Variants in TRHDE observed in about 807,000 individuals in gnomAD.
The protein encoded by TRHDE is thyrotropin releasing hormone degrading enzyme, also known as thyrotropin-releasing hormone-degrading ectoenzyme.
In TRHDE, 72 loss-of-function variants were observed where a neutral mutation model predicts 125.7. The ratio of observed to expected loss-of-function variants is 0.57; its 90% confidence interval spans 0.47 to 0.70. TRHDE has a LOEUF of 0.70. Ranked by LOEUF, TRHDE falls within the 30% of genes least tolerant of loss-of-function variation. The pLI is 0.00. For missense variants in TRHDE, 1,110 were observed against 1,327.1 expected, an observed-to-expected ratio of 0.84 and a Z score of 2.54; for synonymous variants, 509 against 509.1, an observed-to-expected ratio of 1.00 and a Z score of 0.00.
intron 2 of TRHDE, among the ~76,000 whole-genome samples, chr12:72,325,678 A>T (rs1226114991): frequency 6.6e-6 from 1 of 152,126 alleles, no homozygotes; most frequent in Non-Finnish European, 1.5e-5. Context: ...ATGTTTATTA[A>T]GCCATGTTTC....
At chr12:72,297,914 C>T (rs961134234) in intron 2 of TRHDE, among the ~76,000 whole-genome samples, 2 of 152,094 alleles carry the variant, frequency 1.3e-5, no homozygotes, top group African/African-American at 4.8e-5. Context: ...ACTGAGCAGG[C>T]CAAATTTAGT....
At position 72,428,242 on chromosome 12, in the gene TRHDE, A is replaced by G. The variant is rs552727566; in HGVS notation, c.1316-41516A>G. Reference sequence around the variant, plus strand: ...TCATAGGAAGAAATGTATCTACATAATGACTCTTGATGACAAGCACAGCAT... The same window carrying G: ...TCATAGGAAGAAATGTATCTACATAGTGACTCTTGATGACAAGCACAGCAT... On this transcript the variant is annotated intron_variant, in intron 3 of 18. Coordinates refer to ENST00000261180, the MANE Select transcript of TRHDE (RefSeq NM_013381.3). Among the ~76,000 whole-genome samples the G allele has an allele frequency of 3.3e-5, 5 of 152,240 alleles. No homozygotes were observed. In the East Asian group the frequency reaches 9.7e-4, roughly 29 times the overall value.
intron 3 of TRHDE, among the ~76,000 whole-genome samples, chr12:72,402,487 A>G (rs146216804): frequency 5.4e-4 from 82 of 152,068 alleles, no homozygotes; most frequent in Admixed American, 1.6e-3. Flanking sequence ...CTCTGCCTTT[A>G]TCTTTTAGTG....
At chr12:72,253,022 A>G (rs1878719990) in intron 2 of TRHDE, among the ~76,000 whole-genome samples, 1 of 152,112 alleles carries the variant, frequency 6.6e-6, no homozygotes, top group Admixed American at 6.6e-5. Context: ...TTTAAGTGAC[A>G]TGATGTATGG....
intron 2 of TRHDE, among the ~76,000 whole-genome samples, chr12:72,361,067 A>G (rs1288013958): frequency 6.6e-6 from 1 of 151,820 alleles, no homozygotes; most frequent in Non-Finnish European, 1.5e-5. Flanking sequence ...CTTATAAGTG[A>G]GAACATGTGG....
chr12:72,238,275 AATATATATATATATATATATATATAT>A lies in TRHDE; in HGVS notation n.279+132545_279+132570del, dbSNP rs71071820. Among the ~76,000 whole-genome samples, 17 of 38,234 alleles carry A rather than the reference AATATATATATATATATATATATATAT, an allele frequency of 4.4e-4. 1 individual carries two copies. The highest frequency in any genetic ancestry group is 2.5e-3 in the South Asian group (3 of 1,218). The allele number at this position is 38,234 out of a possible 152,430, so 25.1% of individuals were successfully genotyped here. ...AGTGGTCAGAAGTGGTCAGATCCTTAATATATATATATATATATATATATATATATATATATATATATATATACATA... is the reference window on the plus strand; with the variant it reads ...AGTGGTCAGAAGTGGTCAGATCCTTAATATATATATATATATATATACATA... On this transcript the variant is annotated intron_variant and non_coding_transcript_variant, in intron 2 of 4. Coordinates refer to the TRHDE transcript ENST00000548156.
At chr12:72,556,695 C>T (rs899231451) in intron 7 of TRHDE, among the ~76,000 whole-genome samples, 10 of 152,206 alleles carry the variant, frequency 6.6e-5, no homozygotes, top group South Asian at 2.1e-4. Flanking sequence ...TGATTGCCCC[C>T]GTATAAAACT....
chr12:72,096,978 C>G (rs898022308), intron 1 of TRHDE, among the ~76,000 whole-genome samples: 1 of 152,162 alleles, frequency 6.6e-6, no homozygotes, highest in African/African-American at 2.4e-5. Flanking sequence ...GGGCCTAACC[C>G]TTATTGGCCA....
At chr12:72,368,002 C>T (rs1871408610) in intron 2 of TRHDE, among the ~76,000 whole-genome samples, 1 of 152,144 alleles carries the variant, frequency 6.6e-6, no homozygotes. Context: ...AACAGGTGCA[C>T]TACTGTTGTA....
intron 2 of TRHDE, among the ~76,000 whole-genome samples, chr12:72,288,961 A>C (rs909917762): frequency 6.6e-6 from 1 of 152,160 alleles, no homozygotes; most frequent in South Asian, 2.1e-4. Context: ...AAAGAAAACA[A>C]AATTGCCGTT....
At chr12:72,297,589 A>T (rs1880349952) in intron 2 of TRHDE, among the ~76,000 whole-genome samples, 1 of 152,212 alleles carries the variant, frequency 6.6e-6, no homozygotes, top group African/African-American at 2.4e-5. Flanking sequence ...AAAAAAGTTC[A>T]AGAGTGTCAC....
chr12:72,633,644 C>T (rs931493267), intron 15 of TRHDE, among the ~76,000 whole-genome samples: 1 of 152,026 alleles, frequency 6.6e-6, no homozygotes, highest in Non-Finnish European at 1.5e-5. Flanking sequence ...ACTGACTATG[C>T]GTTTCACTTG....
intron 2 of TRHDE, among the ~76,000 whole-genome samples, chr12:72,148,615 C>G (rs762733662): frequency 5.9e-5 from 9 of 152,150 alleles, no homozygotes; most frequent in Non-Finnish European, 1.2e-4. Flanking sequence ...AGCCTCTGAT[C>G]CTGCCAAGGA....
At chr12:72,494,162 T>C (rs1239636497) in intron 5 of TRHDE, among the ~76,000 whole-genome samples, 1 of 152,034 alleles carries the variant, frequency 6.6e-6, no homozygotes, top group Non-Finnish European at 1.5e-5. Context: ...TCTAAAAAGT[T>C]TGAGTAACTT....
chr12:72,418,511 T>C (rs1873821117), intron 3 of TRHDE, among the ~76,000 whole-genome samples: 1 of 152,072 alleles, frequency 6.6e-6, no homozygotes, highest in Non-Finnish European at 1.5e-5. Flanking sequence ...GTGAGTAAAA[T>C]GGATTTTTAA....
chr12:72,649,432 C>T (rs959470311), intron 15 of TRHDE, among the ~76,000 whole-genome samples: 8 of 151,950 alleles, frequency 5.3e-5, no homozygotes, highest in African/African-American at 1.9e-4. Context: ...AATGGGGCCC[C>T]AAACTGTAAA....
At chr12:72,303,798 T>A (rs981502003) in intron 2 of TRHDE, among the ~76,000 whole-genome samples, 6 of 152,142 alleles carry the variant, frequency 3.9e-5, no homozygotes, top group Admixed American at 3.9e-4. Flanking sequence ...TTGGGAAATA[T>A]AATCTTTATG....
At chr12:72,194,161 T>G (rs1005897417) in intron 2 of TRHDE, among the ~76,000 whole-genome samples, 1 of 152,144 alleles carries the variant, frequency 6.6e-6, no homozygotes, top group African/African-American at 2.4e-5. Context: ...CTTTAATTAC[T>G]CTGAGATAGA....
At chr12:72,109,913 T>G (rs1290658025) in intron 2 of TRHDE, among the ~76,000 whole-genome samples, 2 of 152,112 alleles carry the variant, frequency 1.3e-5, no homozygotes, top group Non-Finnish European at 2.9e-5. Flanking sequence ...CAGGCATCTC[T>G]GTGCAGTCAG....
Sources: allele counts gnomAD v4.1 joint callset (sites outside exome capture counted in the v4.1 genomes callset), GRCh38; gene constraint gnomAD v4.1.1; transcripts MANE v1.5; gene names NCBI Gene and HGNC (gene_info 2026-07-23, HGNC 2026-07-21).